Variants in FAM53C observed in about 807,000 individuals in gnomAD.
The protein encoded by FAM53C is protein FAM53C.
FAM53C carries 10 observed loss-of-function variants against 34.7 expected under a neutral mutation model. The observed-to-expected ratio is 0.29, with a 90% CI of 0.18 to 0.49. The LOEUF (loss-of-function observed/expected upper bound fraction) is 0.49, where lower values mean the gene tolerates loss of function less well. FAM53C is among the 20% of genes least tolerant of loss of function. The pLI, the probability that FAM53C is intolerant of heterozygous loss-of-function variation, is 0.99. For missense variants in FAM53C, 442 were observed against 515.3 expected, an observed-to-expected ratio of 0.86 and a Z score of 1.38; for synonymous variants, 203 against 203.6, an observed-to-expected ratio of 1.00 and a Z score of 0.03.
chr5:138,341,837 A>C lies in FAM53C; in HGVS notation c.107A>C (p.Asn36Thr), dbSNP rs771002511. The C allele has an allele frequency of 3.7e-6, 6 of 1,613,974 alleles. No individual in the cohort carries two copies. The highest frequency in any genetic ancestry group is 4.2e-6 in the Non-Finnish European group (5 of 1,179,992). The change falls in exon 3 of 5, where the codon AAC becomes ACC. Residue 36 changes from asparagine to threonine, a missense_variant. By Grantham distance (65) the Asn-to-Thr change is moderately conservative. Transcript: ENST00000239906. ...LPLPDHADISNCGNSFQLVSE... is the reference protein window; with the variant it reads ...LPLPDHADISTCGNSFQLVSE... ...TTGCCTGATCATGCAGACATCTCCA[A>C]CTGTGGGAACTCTTTCCAGCTTGTG...
At chr5:138,344,369 A>C (rs926721858) in intron 3 of FAM53C, among the ~76,000 whole-genome samples, 1 of 152,242 alleles carries the variant, frequency 6.6e-6, no homozygotes, top group Non-Finnish European at 1.5e-5. Flanking sequence ...AGAGGAGGAA[A>C]GGCCGAGAAA....
rs764951951 is a variant in FAM53C at position 138,342,153 on chromosome 5, GAA to G, written c.136+290_136+291del. On this transcript the variant is annotated intron_variant, in intron 3 of 4. Transcript: ENST00000239906. ...AATAACAACAAAAAGGTTATGCTGAGAAAAGTCTCTCTTACTCTCCCGTTCCC... is the reference window on the plus strand; with the variant it reads ...AATAACAACAAAAAGGTTATGCTGAGAAGTCTCTCTTACTCTCCCGTTCCC... The G allele has an allele frequency of 6.0e-5, 24 of 399,138 alleles. 1 individual carries two copies. The highest frequency in any genetic ancestry group is 2.3e-4 in the South Asian group (4 of 17,382). The allele number at this position is 399,138 out of a possible 1,614,324, so 24.7% of individuals were successfully genotyped here.
chr5:138,346,586 T>G (rs1761182578), intron 4 of FAM53C, 116 bp from the exon 5 acceptor site: 1 of 1,328,734 alleles, frequency 7.5e-7, no homozygotes, highest in Admixed American at 2.2e-5. Context: ...ATCACGCCAC[T>G]GCACTCCAGC....
chr5:138,347,580 AGCAT>A lies in FAM53C; in HGVS notation c.*622_*625del. 1 of 154,854 alleles carries A rather than the reference AGCAT, an allele frequency of 6.5e-6. No homozygotes were observed. Among genetic ancestry groups the A allele is most frequent in the Admixed American group, 6.3e-5 (1 of 15,878 alleles). The allele number at this position is 154,854 out of a possible 1,614,324, so 9.6% of individuals were successfully genotyped here. On this transcript the variant is annotated 3_prime_UTR_variant, in exon 5 of 5. Transcript: ENST00000239906. ...CTCTGGAACCAGGCTTGTAATCCAT[AGCAT>A]CACCGACTCTGCAAAGGATTTCATT... is the stretch of plus-strand genomic sequence containing the variant.
chr5:138,338,257 C>T (rs1210819737), upstream of FAM53C: 6 of 1,095,738 alleles, frequency 5.5e-6, no homozygotes, highest in South Asian at 2.6e-5. Context: ...TGGGGCGAAC[C>T]GAGCGCTCAG....
intron 2 of FAM53C, 102 bp downstream of exon 2, chr5:138,341,515 G>T (rs1761034216): frequency 1.2e-5 from 14 of 1,144,620 alleles, no homozygotes; most frequent in Non-Finnish European, 1.7e-5. Context: ...TATGAATCAT[G>T]GTACTTAACC....
intron 4 of FAM53C, among the ~76,000 whole-genome samples, chr5:138,346,393 A>G (rs1264513939): frequency 2.0e-5 from 3 of 152,254 alleles, no homozygotes; most frequent in African/African-American, 4.8e-5. Context: ...TGGGAGGCCA[A>G]GGCAGGCGGA....
chr5:138,338,192 C>T (rs769229044), upstream of FAM53C: 62 of 1,285,270 alleles, frequency 4.8e-5, no homozygotes, highest in Non-Finnish European at 6.1e-5. Context: ...CGGAGCTGTC[C>T]CCCTACTCTC....
rs1283341431 is a variant in FAM53C, at chr5:138,341,174, T to G, written c.-152-10T>G. On this transcript the variant is annotated splice_polypyrimidine_tract_variant and intron_variant, in intron 1 of 4. Transcript: ENST00000239906. ...TAATATCACTTGGGGCTGGTCCCTCTAATTGGCAGACTCAGCAGGCATGAC... is the reference window on the plus strand; with the variant it reads ...TAATATCACTTGGGGCTGGTCCCTCGAATTGGCAGACTCAGCAGGCATGAC... 1.3e-6 allele frequency: 1 copy of G among 754,070 alleles called. No individual in the cohort carries two copies. Among genetic ancestry groups the G allele is most frequent in the African/African-American group, 1.7e-5 (1 of 58,454 alleles). 46.7% of individuals were successfully genotyped at this position (754,070 alleles called of 1,614,324 possible).
chr5:138,339,268 G>A (rs1760946165), intron 1 of FAM53C, among the ~76,000 whole-genome samples: 2 of 152,166 alleles, frequency 1.3e-5, no homozygotes, highest in South Asian at 4.1e-4. Flanking sequence ...GAAAGAGGAG[G>A]CCCCTCGCGG....
chr5:138,346,978 T>A lies in FAM53C; in HGVS notation c.*19T>A, dbSNP rs764308126. The A allele has an allele frequency of 6.2e-7, 1 of 1,613,668 alleles. No homozygotes were observed. The highest frequency in any genetic ancestry group is 8.5e-7 in the Non-Finnish European group (1 of 1,179,874). On this transcript the variant is annotated 3_prime_UTR_variant, in exon 5 of 5. Transcript: ENST00000239906. Reference sequence around the variant, plus strand: ...AAACTAAAACTGAGAGGCTACTTCCTGGGGCCACACAGACTGACTCTCTCA... The same window carrying A: ...AAACTAAAACTGAGAGGCTACTTCCAGGGGCCACACAGACTGACTCTCTCA...
In FAM53C at chr5:138,347,077, C is replaced by A; in HGVS notation, c.*118C>A. On this transcript the variant is annotated 3_prime_UTR_variant, in exon 5 of 5. Transcript: ENST00000239906. ...AATGGGGGTGAGTGGAGGGCTCCGA[C>A]TCAGGGCAGCTGGAAATCTTCTCGC... 1 of 1,364,676 alleles carries A rather than the reference C, an allele frequency of 7.3e-7. No homozygotes were observed. Among genetic ancestry groups the A allele is most frequent in the Non-Finnish European group, 1.0e-6 (1 of 994,622 alleles). 84.5% of individuals were successfully genotyped at this position (1,364,676 alleles called of 1,614,324 possible). A position where few individuals can be genotyped will look rare whatever the true frequency, so the allele number is the denominator to read the frequency against.
chr5:138,345,287 A>G lies in FAM53C; in HGVS notation c.599A>G (p.Gln200Arg). ...CCTTTCTTCAGCCTGGCCCTGGCCC[A>G]AGATTCCTCTCGACCCTGCGCCGCC... ...SPPFFSLALAQDSSRPCAASP... is the reference protein window; with the variant it reads ...SPPFFSLALARDSSRPCAASP... The change falls in exon 4 of 5, where the codon CAA becomes CGA. Residue 200 changes from glutamine (Q) to arginine (R), a missense_variant. By Grantham distance (43) the Gln-to-Arg change is conservative. Transcript: ENST00000239906. This position sits in a 1 kb window ranked among gnomAD's most constrained non-coding sequence, Gnocchi z 6.3. 6.2e-7 allele frequency: 1 copy of G among 1,614,172 alleles called. No individual in the cohort carries two copies. The highest frequency in any genetic ancestry group is 8.5e-7 in the Non-Finnish European group (1 of 1,180,018).
At chr5:138,338,393 G>A (rs1416302473) in intron 1 of FAM53C, 86 bp downstream of exon 1, 20 of 359,690 alleles carry the variant, frequency 5.6e-5, no homozygotes, top group Non-Finnish European at 1.0e-4. Context: ...CCCTCCCCCA[G>A]CCCGACCGCC....
In FAM53C at chr5:138,346,716, A is replaced by G. The variant is rs1761187938; in HGVS notation, c.936A>G (p.Gly312=). The G allele has an allele frequency of 1.2e-6, 2 of 1,614,136 alleles. No homozygotes were observed. Among genetic ancestry groups the G allele is most frequent in the Non-Finnish European group, 8.5e-7 (1 of 1,180,040 alleles). The change falls in exon 5 of 5, where the codon GGA becomes GGG. Residue 312 remains glycine, a synonymous_variant. Coordinates refer to ENST00000239906, the MANE Select transcript of FAM53C (RefSeq NM_016605.3). ...TTGTTTGACAGAAACCATACTCAGGAGGTCTTTGTCTCCAAGAAACAGCCC... is the reference window on the plus strand; with the variant it reads ...TTGTTTGACAGAAACCATACTCAGGGGGTCTTTGTCTCCAAGAAACAGCCC... ...FDKMNQKPYS[G]GLCLQETARE...
At position 138,345,079 on chromosome 5, in the gene FAM53C, C is replaced by T; in HGVS notation, c.391C>T (p.Gln131Ter). ...LSVPVDLSRWQPVWRPAPSKL... is the reference protein window; with the variant it reads ...LSVPVDLSRW ...AGTGCCCGTGGACCTGTCTCGCTGG[C>T]AGCCGGTGTGGCGGCCCGCCCCCTC... Residue 131 changes from glutamine to a stop codon, truncating the protein, a stop_gained, in exon 4 of 5, where the codon CAG becomes TAG. Coordinates refer to ENST00000239906, the MANE Select transcript of FAM53C (RefSeq NM_016605.3). LOFTEE classifies it high-confidence loss of function. The surrounding 1 kb of genome is among the most constrained non-coding windows in gnomAD (Gnocchi z 6.3). 2 of 1,614,026 alleles carry T rather than the reference C, an allele frequency of 1.2e-6. No individual in the cohort carries two copies. The highest frequency in any genetic ancestry group is 1.7e-6 in the Non-Finnish European group (2 of 1,179,888).
In FAM53C at chr5:138,346,674, G is replaced by A. The variant is rs780937967; in HGVS notation, c.922-28G>A. ...CCCTAAAGAATTCTTGCCTTCAGGTGTAACTGTCTTCTTTGTTTGTTTGAC... is the reference window on the plus strand; with the variant it reads ...CCCTAAAGAATTCTTGCCTTCAGGTATAACTGTCTTCTTTGTTTGTTTGAC... On this transcript the variant is annotated intron_variant, in intron 4 of 4. Coordinates refer to ENST00000239906, the MANE Select transcript of FAM53C (RefSeq NM_016605.3). The A allele has an allele frequency of 3.2e-5, 52 of 1,613,510 alleles. 1 individual carries two copies. The South Asian group carries it at 5.7e-4, about 18-fold the overall frequency.
At position 138,347,179 on chromosome 5, in the gene FAM53C, A is replaced by G; in HGVS notation, c.*220A>G. 8.0e-6 allele frequency: 5 copies of G among 625,096 alleles called. 1 individual carries two copies. The highest frequency in any genetic ancestry group is 7.9e-5 in the South Asian group (4 of 50,584). 38.7% of individuals were successfully genotyped at this position (625,096 alleles called of 1,614,324 possible). On this transcript the variant is annotated 3_prime_UTR_variant, in exon 5 of 5. Transcript: ENST00000239906. ...CTGGTGGCGGGAGGGACAGCCCCAG[A>G]GCAGACCCTTCCTATGGCGGCCCTG... is the stretch of plus-strand genomic sequence containing the variant.
rs1296245921 is a variant in FAM53C, at chr5:138,347,553, A to G, written c.*594A>G. On this transcript the variant is annotated 3_prime_UTR_variant, in exon 5 of 5. Transcript: ENST00000239906. ...CACCAAGTTTTCCTTTTTTCTAAAT[A>G]GCTCTGGAACCAGGCTTGTAATCCA... is the stretch of plus-strand genomic sequence containing the variant. The G allele has an allele frequency of 6.4e-6, 1 of 156,012 alleles. No individual in the cohort carries two copies. The highest frequency in any genetic ancestry group is 2.4e-5 in the African/African-American group (1 of 41,416). The allele number at this position is 156,012 out of a possible 1,614,324, so 9.7% of individuals were successfully genotyped here. A position where few individuals can be genotyped will look rare whatever the true frequency, so the allele number is the denominator to read the frequency against.
Sources: gnomAD v4.1 joint callset for allele counts (sites outside exome capture counted in the v4.1 genomes callset) on GRCh38, gnomAD v4.1.1 for gene constraint, Gnocchi (gnomAD v3.1) non-coding constraint, MANE v1.5 for transcripts, NCBI Gene and HGNC (gene_info 2026-07-23, HGNC 2026-07-21) for gene names.